LNX1: variants seen among roughly 807,000 people sequenced by gnomAD.
LNX1 encodes the protein E3 ubiquitin-protein ligase LNX.
A neutral mutation model predicts 68.4 loss-of-function variants in LNX1; 54 were observed. The observed-to-expected ratio is 0.79, with a 90% confidence interval of 0.63 to 0.99. LNX1 has a LOEUF of 0.99. LNX1 is among the 50% of genes least tolerant of loss of function. The probability of loss-of-function intolerance (pLI) is 0.00; values close to 1 mark genes in which losing one functional copy is unlikely to be tolerated. For missense variants in LNX1, 906 were observed against 926.4 expected, an observed-to-expected ratio of 0.98 and a Z score of 0.29; for synonymous variants, 336 against 350.0, an observed-to-expected ratio of 0.96 and a Z score of 0.45.
In LNX1 at chr4:53,460,936, T is replaced by A. The variant is rs771016443; in HGVS notation, c.2158A>T (p.Ile720Phe). 1.3e-5 allele frequency: 21 copies of A among 1,610,434 alleles called. No homozygotes were observed. Among genetic ancestry groups the A allele is most frequent in the Non-Finnish European group, 1.7e-5 (20 of 1,178,612 alleles). Reference sequence around the variant, plus strand: ...AAAAAAGTGCCAGGCCAAGAAACAATAGTTAGAGTAATTCTTCCTTTAAGT... The same window carrying A: ...AAAAAAGTGCCAGGCCAAGAAACAAAAGTTAGAGTAATTCTTCCTTTAAGT... ...KELKGRITLT[I>F]VSWPGTFL The change falls in exon 11 of 11, where the codon ATT (isoleucine) becomes TTT (phenylalanine). Residue 720 changes from isoleucine to phenylalanine, a missense_variant. Physicochemically the swap from Ile to Phe is conservative, Grantham distance 21. Transcript: ENST00000263925.
intron 9 of LNX1, among the ~76,000 whole-genome samples, chr4:53,464,563 G>GTT (rs1722519233): frequency 7.1e-6 from 1 of 141,780 alleles, no homozygotes; most frequent in African/African-American, 2.6e-5. Flanking sequence ...TTTTTTTAAA[G>GTT]TTATGAGAGA....
intron 1 of LNX1, among the ~76,000 whole-genome samples, chr4:53,577,434 T>C (rs1731563602): frequency 1.3e-5 from 2 of 152,140 alleles, no homozygotes; most frequent in African/African-American, 4.8e-5. Context: ...GGCCATTCCC[T>C]TGTTGGTGAA....
intron 2 of LNX1, among the ~76,000 whole-genome samples, chr4:53,536,330 A>ATCT (rs10641778): frequency 0.81 from 122,429 of 151,800 alleles, 49,859 homozygotes; most frequent in Admixed American, 0.86. Context: ...CTCACTCCAC[A>ATCT]TCTTCAAGAG....
At chr4:53,651,366 C>T (rs538017550) in intron 1 of LNX1, among the ~76,000 whole-genome samples, 1 of 152,310 alleles carries the variant, frequency 6.6e-6, no homozygotes, top group Admixed American at 6.5e-5. Context: ...CATGACCAGT[C>T]AGTGTTGGAG....
intron 9 of LNX1, among the ~76,000 whole-genome samples, chr4:53,470,661 G>A (rs555141582): frequency 9.2e-5 from 14 of 152,202 alleles, no homozygotes; most frequent in East Asian, 5.8e-4. Flanking sequence ...ACAAATCAAC[G>A]TGCAAAAATC....
In LNX1 at chr4:53,501,306, G is replaced by GCGT. The variant is rs1468842448; in HGVS notation, c.776-2464_776-2463insACG. Among the ~76,000 whole-genome samples, 3 of 119,844 alleles carry GCGT rather than the reference G, an allele frequency of 2.5e-5. 1 individual carries two copies. Among genetic ancestry groups the GCGT allele is most frequent in the Non-Finnish European group, 1.7e-5 (1 of 58,214 alleles). The allele number at this position is 119,844 out of a possible 152,430, so 78.6% of individuals were successfully genotyped here. ...CTTTTTTTTTTTTTTTTTTGGGGGT[G>GCGT]GGGGGACAGGATCTCACTCTGTCAC... is the stretch of plus-strand genomic sequence containing the variant. On this transcript the variant is annotated intron_variant, in intron 4 of 10. Coordinates refer to ENST00000263925, the MANE Select transcript of LNX1 (RefSeq NM_001126328.3).
At chr4:53,538,888 T>C (rs1432539707) in intron 2 of LNX1, among the ~76,000 whole-genome samples, 1 of 152,156 alleles carries the variant, frequency 6.6e-6, no homozygotes. Flanking sequence ...CGACAACATG[T>C]TCTGTAACTT....
At chr4:53,633,843 A>G (rs1248777914) in intron 1 of LNX1, among the ~76,000 whole-genome samples, 1 of 152,064 alleles carries the variant, frequency 6.6e-6, no homozygotes, top group African/African-American at 2.4e-5. Context: ...CTTTGGGGAG[A>G]TTGCATAACC....
At chr4:53,492,174 A>T (rs774607768) in intron 6 of LNX1, among the ~76,000 whole-genome samples, 4 of 152,162 alleles carry the variant, frequency 2.6e-5, no homozygotes, top group Non-Finnish European at 5.9e-5. Context: ...GTATATGAGC[A>T]GAAATGGACA....
At position 53,459,799 on chromosome 4, in the gene LNX1, ACAC is replaced by A; in HGVS notation, c.*1105_*1107del. On this transcript the variant is annotated 3_prime_UTR_variant, in exon 11 of 11. Transcript: ENST00000263925. The stretch of plus-strand genomic sequence containing the variant: ...GGGCCACAGTTTTTTTGTTAATCAA[ACAC>A]CACTCTCTTAAGAGGCTGCATCACA... 3.2e-6 allele frequency: 1 copy of A among 315,018 alleles called. No homozygotes were observed. Among genetic ancestry groups the A allele is most frequent in the South Asian group, 5.0e-5 (1 of 20,154 alleles). 19.5% of individuals were successfully genotyped at this position (315,018 alleles called of 1,614,324 possible). A position where few individuals can be genotyped will look rare whatever the true frequency, so the allele number is the denominator to read the frequency against.
chr4:53,561,313 C>T (rs565334020), intron 2 of LNX1, among the ~76,000 whole-genome samples: 18 of 152,138 alleles, frequency 1.2e-4, no homozygotes, highest in African/African-American at 3.9e-4. Flanking sequence ...TTGCAACCTC[C>T]GCCTCCCAGG....
chr4:53,650,870 C>A (rs1432699442), intron 1 of LNX1, among the ~76,000 whole-genome samples: 1 of 152,172 alleles, frequency 6.6e-6, no homozygotes, highest in Non-Finnish European at 1.5e-5. Context: ...GTATTCCCTG[C>A]ATCTCCCTTG....
At chr4:53,530,587 T>G (rs370002308) in intron 2 of LNX1, among the ~76,000 whole-genome samples, 2 of 152,210 alleles carry the variant, frequency 1.3e-5, no homozygotes. Flanking sequence ...AGCATATGTA[T>G]CAAGTATTTT....
At chr4:53,607,794 C>T (rs1372186082) in intron 2 of LNX1, among the ~76,000 whole-genome samples, 1 of 151,846 alleles carries the variant, frequency 6.6e-6, no homozygotes, top group Admixed American at 6.6e-5. Context: ...ACAGAACAGA[C>T]AGCCCAGAAG....
chr4:53,589,211 G>T (rs983274026), intron 1 of LNX1, among the ~76,000 whole-genome samples: 96 of 152,204 alleles, frequency 6.3e-4, no homozygotes, highest in African/African-American at 2.2e-3. Context: ...TCTGTTGCAG[G>T]ATGAGAGCCT....
intron 2 of LNX1, among the ~76,000 whole-genome samples, chr4:53,523,881 T>G (rs1221499673): frequency 2.0e-5 from 3 of 152,204 alleles, no homozygotes; most frequent in Admixed American, 1.3e-4. Context: ...CTGGCAGTGA[T>G]AGAGGATTTG....
intron 2 of LNX1, among the ~76,000 whole-genome samples, chr4:53,519,370 C>G (rs146270849): frequency 6.6e-6 from 1 of 151,872 alleles, no homozygotes; most frequent in South Asian, 2.1e-4. Context: ...GGTACCCTTT[C>G]TCTCCTGTTA....
chr4:53,571,514 C>T (rs1560673836), intron 2 of LNX1, among the ~76,000 whole-genome samples: 1 of 152,014 alleles, frequency 6.6e-6, no homozygotes, highest in Non-Finnish European at 1.5e-5. Flanking sequence ...GGCCACGAGC[C>T]AAGGAAGACA....
rs60909872 is a variant in LNX1 at position 53,461,044 on chromosome 4, TAA to T, written c.2052-4_2052-3del. The T allele has an allele frequency of 2.0e-5, 24 of 1,171,766 alleles. No individual in the cohort carries two copies. Among genetic ancestry groups the T allele is most frequent in the Admixed American group, 5.5e-5 (2 of 36,264 alleles). 72.6% of individuals were successfully genotyped at this position (1,171,766 alleles called of 1,614,324 possible). On this transcript the variant is annotated splice_polypyrimidine_tract_variant and splice_region_variant and intron_variant, in intron 10 of 10. Coordinates refer to ENST00000263925, the MANE Select transcript of LNX1 (RefSeq NM_001126328.3). ...ACAGCAAGAAGAATATCACCACATC[TAA>T]AAAAAAAAACAAAACAAGATATGAT...
Sources: allele counts gnomAD v4.1 joint callset (sites outside exome capture counted in the v4.1 genomes callset), GRCh38; gene constraint gnomAD v4.1.1; transcripts MANE v1.5; gene names NCBI Gene and HGNC (gene_info 2026-07-23, HGNC 2026-07-21).